Variants in ZNF385D observed in about 807,000 individuals in gnomAD.
The protein encoded by ZNF385D is zinc finger protein 385D.
ZNF385D carries 15 observed loss-of-function variants against 35.8 expected under a neutral mutation model. That is an observed-to-expected ratio of 0.42 (90% CI 0.28 to 0.64). The LOEUF is 0.64. Ranked by LOEUF, ZNF385D falls within the 30% of genes least tolerant of loss-of-function variation. The pLI is 0.23. For synonymous variants in ZNF385D, 212 were observed against 186.8 expected (o/e 1.13, Z -1.10); for missense variants, 474 against 494.6 (o/e 0.96, Z 0.39).
chr3:21,945,809 A>C (rs1315142690), intron 3 of ZNF385D, among the ~76,000 whole-genome samples: 1 of 151,496 alleles, frequency 6.6e-6, no homozygotes, highest in African/African-American at 2.4e-5. Flanking sequence ...GTGCCTTGAC[A>C]TATGAAGCTG....
intron 3 of ZNF385D, among the ~76,000 whole-genome samples, chr3:21,798,343 C>A (rs2072246528): frequency 6.6e-6 from 1 of 152,168 alleles, no homozygotes; most frequent in Non-Finnish European, 1.5e-5. Flanking sequence ...TCGAAGTTCA[C>A]TGGTTTTAGC....
Position 22,010,180 on chromosome 3 carries a change from A to G in ZNF385D, c.325+158637T>C, listed in dbSNP as rs139732420. The stretch of plus-strand genomic sequence containing the variant: ...AAAATATGAAAAAAGTATATGTTTT[A>G]AAAAGCAGCTTGGATGACGAAACAG... On this transcript the variant is annotated intron_variant, in intron 3 of 5. Coordinates refer to the ZNF385D transcript ENST00000494108. Among the ~76,000 whole-genome samples, 381 of 152,302 alleles carry G rather than the reference A, an allele frequency of 2.5e-3. 2 individuals are homozygous for G. The highest frequency in any genetic ancestry group is 8.7e-3 in the African/African-American group (363 of 41,562).
chr3:22,236,287 G>C (rs1018724359), intron 2 of ZNF385D, among the ~76,000 whole-genome samples: 2 of 152,050 alleles, frequency 1.3e-5, no homozygotes, highest in Non-Finnish European at 2.9e-5. Flanking sequence ...AGCATTTCAA[G>C]TTATTGATGA....
At chr3:22,344,177 G>GGTGGGTGTGT (rs1553652923) in intron 2 of ZNF385D, among the ~76,000 whole-genome samples, 1 of 140,756 alleles carries the variant, frequency 7.1e-6, no homozygotes, top group Non-Finnish European at 1.5e-5. Flanking sequence ...GGTGGGGTGG[G>GGTGGGTGTGT]GTGTGTGTGT....
At position 22,372,156 on chromosome 3, in the gene ZNF385D, G is replaced by C. The variant is rs982167221; in HGVS notation, c.106+294C>G. Among the ~76,000 whole-genome samples the C allele has an allele frequency of 4.6e-5, 7 of 151,852 alleles. No homozygotes were observed. In the South Asian group the frequency reaches 1.0e-3, roughly 23 times the overall value. On this transcript the variant is annotated intron_variant, in intron 2 of 5. Coordinates refer to the ZNF385D transcript ENST00000494108. ...CGGCCTCCCCTGCCCCTTGGTTCTC[G>C]GCAATGAGCTGTGACCTGAGACCCT...
intron 2 of ZNF385D, among the ~76,000 whole-genome samples, chr3:22,203,990 A>G (rs1696978604): frequency 1.3e-5 from 2 of 152,056 alleles, no homozygotes; most frequent in South Asian, 2.1e-4. Context: ...CTGAGCAAAC[A>G]TAGGTGGTAG....
intron 2 of ZNF385D, among the ~76,000 whole-genome samples, chr3:22,177,298 A>C (rs1183747078): frequency 2.0e-5 from 3 of 152,204 alleles, no homozygotes; most frequent in Non-Finnish European, 4.4e-5. Flanking sequence ...TTTGGATCTA[A>C]AACAGCTTAC....
chr3:21,545,268 T>C (rs987336319), intron 3 of ZNF385D, among the ~76,000 whole-genome samples: 7 of 152,172 alleles, frequency 4.6e-5, no homozygotes, highest in Non-Finnish European at 7.3e-5. Flanking sequence ...TACAGACTTG[T>C]GATAACTTTA....
In ZNF385D at chr3:21,608,023, G is replaced by GTTTTTTTTTGGTTTTTGT. The variant is rs1553622610; in HGVS notation, c.166-43340_166-43339insACAAAAACCAAAAAAAAA. On this transcript the variant is annotated intron_variant, in intron 2 of 7. Transcript: ENST00000281523. The stretch of plus-strand genomic sequence containing the variant: ...TAATTCTTTTTCTTCTTTTTTTTTT[G>GTTTTTTTTTGGTTTTTGT]TTTTTTTTTTTTGAGTCTTGCTGTC... 4.2e-5 allele frequency among the ~76,000 whole-genome samples: 5 copies of GTTTTTTTTTGGTTTTTGT among 120,240 alleles called. 1 individual carries two copies. In the East Asian group the frequency reaches 7.8e-4, roughly 19 times the overall value. The allele number at this position is 120,240 out of a possible 152,430, so 78.9% of individuals were successfully genotyped here. A position where few individuals can be genotyped will look rare whatever the true frequency, so the allele number is the denominator to read the frequency against.
intron 2 of ZNF385D, among the ~76,000 whole-genome samples, chr3:22,245,015 T>G (rs1699697878): frequency 6.6e-6 from 1 of 152,080 alleles, no homozygotes; most frequent in African/African-American, 2.4e-5. Flanking sequence ...GCATCAGAAT[T>G]GCCAGAGAAA....
At chr3:22,253,647 A>G (rs994408415) in intron 2 of ZNF385D, among the ~76,000 whole-genome samples, 1 of 151,988 alleles carries the variant, frequency 6.6e-6, no homozygotes, top group Non-Finnish European at 1.5e-5. Context: ...ATGCAATTTA[A>G]TTTGAAACCA....
chr3:22,142,844 T>C (rs1004242795), intron 3 of ZNF385D, among the ~76,000 whole-genome samples: 29 of 152,064 alleles, frequency 1.9e-4, no homozygotes, highest in African/African-American at 6.8e-4. Context: ...CAGGATATTA[T>C]CCTCCCCGGG....
chr3:21,827,949 T>C (rs1575732291), intron 3 of ZNF385D, among the ~76,000 whole-genome samples: 1 of 152,178 alleles, frequency 6.6e-6, no homozygotes, highest in East Asian at 1.9e-4. Context: ...CAACTAGGAA[T>C]CTACCTGGAT....
intron 4 of ZNF385D, chr3:21,443,225 C>A: frequency 1.0e-6 from 1 of 985,346 alleles, no homozygotes. Context: ...TTGGGCACTG[C>A]TTCCGCTCTG....
At chr3:21,605,569 CACTA>C (rs962858850) in intron 2 of ZNF385D, among the ~76,000 whole-genome samples, 4 of 152,176 alleles carry the variant, frequency 2.6e-5, no homozygotes, top group African/African-American at 7.2e-5. Flanking sequence ...TTCCTAATCA[CACTA>C]ACTAAAAGGG....
At chr3:22,170,719 A>T (rs555944414) in intron 2 of ZNF385D, among the ~76,000 whole-genome samples, 20 of 152,306 alleles carry the variant, frequency 1.3e-4, no homozygotes, top group Non-Finnish European at 2.4e-4. Flanking sequence ...CTTATTTTAT[A>T]TAAATAAAAA....
intron 3 of ZNF385D, among the ~76,000 whole-genome samples, chr3:22,025,671 C>A (rs1193884561): frequency 6.6e-6 from 1 of 152,120 alleles, no homozygotes; most frequent in African/African-American, 2.4e-5. Flanking sequence ...TGTGAGCGAG[C>A]TGGAAATGCC....
At chr3:22,219,257 T>C (rs1259041280) in intron 2 of ZNF385D, among the ~76,000 whole-genome samples, 1 of 152,156 alleles carries the variant, frequency 6.6e-6, no homozygotes, top group Non-Finnish European at 1.5e-5. Flanking sequence ...GTGTCTCTGA[T>C]ATTTCTAGTC....
intron 2 of ZNF385D, among the ~76,000 whole-genome samples, chr3:21,577,188 A>G (rs185798145): frequency 4.1e-4 from 62 of 152,284 alleles, no homozygotes; most frequent in African/African-American, 1.4e-3. Flanking sequence ...GCCTCTAGTT[A>G]TCACTATTCT....
Sources: gnomAD v4.1 joint callset for allele counts (sites outside exome capture counted in the v4.1 genomes callset) on GRCh38, gnomAD v4.1.1 for gene constraint, MANE v1.5 for transcripts, NCBI Gene and HGNC (gene_info 2026-07-23, HGNC 2026-07-21) for gene names.